Variants in CDH13 observed in about 807,000 individuals in gnomAD.
CDH13 encodes the protein cadherin 13.
A neutral mutation model predicts 63.8 loss-of-function variants in CDH13; 24 were observed. The observed-to-expected ratio is 0.38, with a 90% CI of 0.27 to 0.53. The LOEUF (loss-of-function observed/expected upper bound fraction) is 0.53, where lower values mean the gene tolerates loss of function less well. Among genes scored for constraint, CDH13 ranks in the 20% least tolerant of loss-of-function variants. The probability of loss-of-function intolerance (pLI) is 0.85; values close to 1 mark genes in which losing one functional copy is unlikely to be tolerated. For missense variants in CDH13, 1,049 were observed against 903.1 expected (o/e 1.16, Z -2.07); for synonymous variants, 503 against 355.3 (o/e 1.42, Z -4.67).
At chr16:83,530,430 T>TC (rs1191873896) in intron 7 of CDH13, among the ~76,000 whole-genome samples, 2 of 152,202 alleles carry the variant, frequency 1.3e-5, no homozygotes, top group African/African-American at 4.8e-5. Context: ...AGTCACGGAA[T>TC]CAGGACCCCA....
At chr16:82,897,824 T>G (rs2041320502) in intron 2 of CDH13, among the ~76,000 whole-genome samples, 2 of 152,248 alleles carry the variant, frequency 1.3e-5, no homozygotes, top group African/African-American at 4.8e-5. Flanking sequence ...TTTATGAGTT[T>G]ATCTTGATCA....
At chr16:83,090,600 G>C (rs74946481) in intron 3 of CDH13, among the ~76,000 whole-genome samples, 2,566 of 150,208 alleles carry the variant, frequency 0.017, 79 homozygotes, top group African/African-American at 0.06. Flanking sequence ...ATAAGTGCTT[G>C]TCTCTGCTCA....
At chr16:83,250,064 AGTT>A (rs1426900637) in intron 5 of CDH13, among the ~76,000 whole-genome samples, 1 of 152,206 alleles carries the variant, frequency 6.6e-6, no homozygotes, top group Non-Finnish European at 1.5e-5. Context: ...CAAGACCTTT[AGTT>A]GCAAATCCTT....
At chr16:83,372,155 T>G (rs2091378946) in intron 6 of CDH13, among the ~76,000 whole-genome samples, 1 of 152,194 alleles carries the variant, frequency 6.6e-6, no homozygotes, top group African/African-American at 2.4e-5. Context: ...ATTCCCAGTT[T>G]GCAACAGCTT....
At position 83,734,133 on chromosome 16, in the gene CDH13, G is replaced by A. The variant is rs553544211; in HGVS notation, c.1539-13975G>A. 2.0e-5 allele frequency among the ~76,000 whole-genome samples: 3 copies of A among 152,192 alleles called. No individual in the cohort carries two copies. The South Asian group carries it at 6.3e-4, about 32-fold the overall frequency. On this transcript the variant is annotated intron_variant, in intron 10 of 13. Transcript: ENST00000567109. ...CCACCAACAGCCCTTACCAAAAGAA[G>A]ACTGGAAGCACAAAAAAGCAACTTA...
At chr16:83,023,971 A>G (rs1457632380) in intron 2 of CDH13, among the ~76,000 whole-genome samples, 2 of 152,162 alleles carry the variant, frequency 1.3e-5, no homozygotes, top group African/African-American at 2.4e-5. Context: ...TGGCAACAGG[A>G]GCAATTTAGA....
rs540762967 is a variant in CDH13, at chr16:83,711,070, C to T, written c.1538+32609C>T. Among the ~76,000 whole-genome samples, 4 of 152,334 alleles carry T rather than the reference C, an allele frequency of 2.6e-5. No individual in the cohort carries two copies. The South Asian group carries it at 8.3e-4, about 32-fold the overall frequency. Reference sequence around the variant, plus strand: ...CCAGCAGAGGTGCCTTGCTACACGCCACCACCTTGGGGCAGGTGCCACTGG... The same window carrying T: ...CCAGCAGAGGTGCCTTGCTACACGCTACCACCTTGGGGCAGGTGCCACTGG... On this transcript the variant is annotated intron_variant, in intron 10 of 13. Coordinates refer to ENST00000567109, the MANE Select transcript of CDH13 (RefSeq NM_001257.5).
chr16:83,568,686 G>T (rs1881907655), intron 7 of CDH13, among the ~76,000 whole-genome samples: 1 of 152,142 alleles, frequency 6.6e-6, no homozygotes, highest in South Asian at 2.1e-4. Context: ...AGGGGAAATT[G>T]CTTGCATTCT....
chr16:83,430,098 T>A (rs1404112673), intron 6 of CDH13, among the ~76,000 whole-genome samples: 2 of 152,180 alleles, frequency 1.3e-5, no homozygotes, highest in East Asian at 3.8e-4. Context: ...AGAGCTACCA[T>A]GTGATCCAGC....
chr16:83,026,172 C>T (rs895929330), intron 2 of CDH13, among the ~76,000 whole-genome samples: 66 of 152,316 alleles, frequency 4.3e-4, no homozygotes, highest in African/African-American at 1.5e-3. Context: ...AGTGTGACCT[C>T]ACTTGGTACC....
intron 6 of CDH13, among the ~76,000 whole-genome samples, chr16:83,367,688 A>C (rs1048652225): frequency 6.6e-6 from 1 of 152,212 alleles, no homozygotes; most frequent in African/African-American, 2.4e-5. Context: ...CCTCCTTGCT[A>C]GGTGTAAAGG....
chr16:83,711,783 T>C (rs1218712127), intron 10 of CDH13, among the ~76,000 whole-genome samples: 1 of 152,224 alleles, frequency 6.6e-6, no homozygotes, highest in East Asian at 1.9e-4. Context: ...CCCAAAGCAC[T>C]GGGATTACAG....
intron 3 of CDH13, among the ~76,000 whole-genome samples, chr16:83,051,228 C>G (rs1354052929): frequency 1.3e-5 from 2 of 152,150 alleles, no homozygotes; most frequent in Non-Finnish European, 2.9e-5. Context: ...TCAGCCCTCA[C>G]AATTCCCTGT....
intron 2 of CDH13, among the ~76,000 whole-genome samples, chr16:82,958,689 G>C (rs1462641687): frequency 2.6e-5 from 4 of 152,176 alleles, no homozygotes; most frequent in African/African-American, 7.2e-5. Context: ...CATTCATTTA[G>C]GAGTCACTTG....
intron 10 of CDH13, among the ~76,000 whole-genome samples, chr16:83,743,644 G>C (rs547562430): frequency 7.9e-5 from 12 of 151,440 alleles, no homozygotes; most frequent in African/African-American, 2.7e-4. Flanking sequence ...AATAGAATGC[G>C]GTTCATTTAA....
rs575159957 is a variant in CDH13, at chr16:83,653,195, C to G, written c.1102-17595C>G. Among the ~76,000 whole-genome samples, 10 of 152,034 alleles carry G rather than the reference C, an allele frequency of 6.6e-5. No individual in the cohort carries two copies. In the South Asian group the frequency reaches 1.9e-3, roughly 28 times the overall value. On this transcript the variant is annotated intron_variant, in intron 8 of 13. Transcript: ENST00000567109. Reference sequence around the variant, plus strand: ...TGCTCCTGGGGGTGGGGCTTCTGTTCGAGGTGTTAAAAAAATTCTAAAATT... The same window carrying G: ...TGCTCCTGGGGGTGGGGCTTCTGTTGGAGGTGTTAAAAAAATTCTAAAATT...
At chr16:83,353,231 A>T (rs1448992406) in intron 6 of CDH13, among the ~76,000 whole-genome samples, 1 of 152,272 alleles carries the variant, frequency 6.6e-6, no homozygotes, top group African/African-American at 2.4e-5. Flanking sequence ...CAAATAAAAA[A>T]GAAACTGAAT....
At chr16:82,887,799 G>T (rs1462782517) in intron 2 of CDH13, among the ~76,000 whole-genome samples, 1 of 152,064 alleles carries the variant, frequency 6.6e-6, no homozygotes, top group East Asian at 1.9e-4. Context: ...TCTAGCCTGG[G>T]TAACAGAGTG....
chr16:82,629,093 A>C (rs911627506), intron 1 of CDH13, among the ~76,000 whole-genome samples: 1 of 152,216 alleles, frequency 6.6e-6, no homozygotes, highest in Non-Finnish European at 1.5e-5. Context: ...GGGCTTGCCC[A>C]AAGTTATGCC....
Sources: gnomAD v4.1 joint callset for allele counts (sites outside exome capture counted in the v4.1 genomes callset) on GRCh38, gnomAD v4.1.1 for gene constraint, MANE v1.5 for transcripts, NCBI Gene and HGNC (gene_info 2026-07-23, HGNC 2026-07-21) for gene names.